The following DCAF5 variants were observed in gnomAD, a reference collection of about 807,000 sequenced individuals.
DCAF5 encodes the protein DDB1 and CUL4 associated factor 5.
DCAF5 carries 9 observed loss-of-function variants against 80.7 expected under a neutral mutation model. That is an observed-to-expected ratio of 0.11 (90% CI 0.07 to 0.19). DCAF5 has a LOEUF of 0.19. Ranked by LOEUF, DCAF5 falls within the 10% of genes least tolerant of loss-of-function variation. DCAF5 has a pLI of 1.00. For missense variants in DCAF5, 842 were observed against 1,205.7 expected (o/e 0.70, Z 4.47); for synonymous variants, 433 against 461.9 (o/e 0.94, Z 0.80).
intron 1 of DCAF5, among the ~76,000 whole-genome samples, chr14:69,131,261 C>CT (rs200882187): frequency 6.9e-4 from 105 of 151,158 alleles, no homozygotes; most frequent in African/African-American, 2.1e-3. Context: ...CTTTTCTTTT[C>CT]TTTTTTTTTA....
chr14:69,054,981 CAGAGCTGCT>C lies in DCAF5; in HGVS notation c.1696_1704del (p.Ser566_Ser568del), dbSNP rs771972517. On this transcript the variant is annotated inframe_deletion, in exon 9 of 9. Coordinates refer to ENST00000341516, the MANE Select transcript of DCAF5 (RefSeq NM_003861.3). Reference sequence around the variant, plus strand: ...CGTTCATTCAGCTCCTCCTCATCCTCAGAGCTGCTAGAGCTGCTGGAACTGCTGGATTCA... The same window carrying C: ...CGTTCATTCAGCTCCTCCTCATCCTCAGAGCTGCTGGAACTGCTGGATTCA... 3 of 1,614,252 alleles carry C rather than the reference CAGAGCTGCT, an allele frequency of 1.9e-6. No individual in the cohort carries two copies. Among genetic ancestry groups the C allele is most frequent in the Non-Finnish European group, 2.5e-6 (3 of 1,180,046 alleles).
chr14:69,113,781 A>C (rs2040450659), intron 5 of DCAF5, among the ~76,000 whole-genome samples: 2 of 152,210 alleles, frequency 1.3e-5, no homozygotes, highest in South Asian at 4.1e-4. Context: ...GTGGATGCTA[A>C]GTTAAGAAGA....
intron 1 of DCAF5, among the ~76,000 whole-genome samples, chr14:69,128,376 G>C (rs1225596252): frequency 1.3e-5 from 2 of 151,978 alleles, no homozygotes; most frequent in African/African-American, 4.8e-5. Flanking sequence ...TTTAGAGACA[G>C]GATTTCACCA....
intron 5 of DCAF5, among the ~76,000 whole-genome samples, chr14:69,110,335 T>C (rs1193815291): frequency 6.9e-6 from 1 of 143,940 alleles, no homozygotes; most frequent in Non-Finnish European, 1.5e-5. Context: ...AGTGGTGCAA[T>C]CTCGGCTCAC....
rs2039246977 is a variant in DCAF5 at position 69,084,619 on chromosome 14, TCTA to T, written c.879+7052_879+7054del. On this transcript the variant is annotated intron_variant, in intron 6 of 8. Coordinates refer to ENST00000341516, the MANE Select transcript of DCAF5 (RefSeq NM_003861.3). The stretch of plus-strand genomic sequence containing the variant: ...TTTGTCCTTCTGAAAAGAGATTCCT[TCTA>T]CTCTTTACATTCCTTAAGAAGAACC... The T allele has an allele frequency of 3.1e-5, 28 of 905,132 alleles. No individual in the cohort carries two copies. In the South Asian group the frequency reaches 3.9e-4, roughly 13 times the overall value. 56.1% of individuals were successfully genotyped at this position (905,132 alleles called of 1,614,324 possible). A position where few individuals can be genotyped will look rare whatever the true frequency, so the allele number is the denominator to read the frequency against.
intron 7 of DCAF5, among the ~76,000 whole-genome samples, chr14:69,065,479 AAAG>A (rs2038403731): frequency 6.6e-6 from 1 of 152,184 alleles, no homozygotes; most frequent in South Asian, 2.1e-4. Context: ...GAAATCTGAA[AAAG>A]AAGAGGGAAT....
chr14:69,054,777 T>C lies in DCAF5; in HGVS notation c.1909A>G (p.Thr637Ala), dbSNP rs1453302993. The change falls in exon 9 of 9, where the codon ACT (threonine) becomes GCT (alanine). Residue 637 changes from threonine to alanine, a missense_variant. By Grantham distance (58) the Thr-to-Ala change is moderately conservative (BLOSUM62 0). Coordinates refer to ENST00000341516, the MANE Select transcript of DCAF5 (RefSeq NM_003861.3). ...SSPTSSPERS[T>A]STLEIQPSRA... ...CTTGGTTGAATCTCTAGCGTGGAAG[T>C]GCTCCGCTCAGGGGACGAGGTTGGG... 1 of 1,614,216 alleles carries C rather than the reference T, an allele frequency of 6.2e-7. No individual in the cohort carries two copies. The highest frequency in any genetic ancestry group is 1.3e-5 in the African/African-American group (1 of 75,052).
Position 69,152,960 on chromosome 14 carries a change from G to T in DCAF5, c.19C>A (p.Leu7Met), listed in dbSNP as rs1448292926. Reference protein sequence around the residue: MKRRAGLGGSMRSVVGF... With the variant: MKRRAGMGGSMRSVVGF... The stretch of plus-strand genomic sequence containing the variant: ...ACCACTGACCTCATGCTGCCCCCCA[G>T]GCCAGCTCTCCTCTTCATGCTGGAA... The change falls in exon 1 of 9, where the codon CTG becomes ATG. Residue 7 changes from leucine (L) to methionine (M), a missense_variant. By Grantham distance (15) the Leu-to-Met change is conservative. This residue lies in a region of DCAF5 where 28 missense variants were observed against 28.7 expected (regional missense o/e 0.98). Transcript: ENST00000341516. This position sits in a 1 kb window ranked among gnomAD's most constrained non-coding sequence, Gnocchi z 4.1. 1 of 1,608,318 alleles carries T rather than the reference G, an allele frequency of 6.2e-7. No homozygotes were observed. Among genetic ancestry groups the T allele is most frequent in the African/African-American group, 1.3e-5 (1 of 74,456 alleles).
intron 2 of DCAF5, 148 bp downstream of exon 2, chr14:69,122,069 G>T: frequency 1.1e-6 from 1 of 905,672 alleles, no homozygotes; most frequent in Non-Finnish European, 1.7e-6. Flanking sequence ...ATATAATACT[G>T]CTGTAATGCA....
chr14:69,151,776 G>A (rs1308403380), intron 1 of DCAF5, among the ~76,000 whole-genome samples: 2 of 152,088 alleles, frequency 1.3e-5, no homozygotes, highest in African/African-American at 2.4e-5. Context: ...CGCGGGGCCC[G>A]GGCCTCCCCG....
intron 6 of DCAF5, among the ~76,000 whole-genome samples, chr14:69,088,522 A>T (rs2039424088): frequency 6.6e-6 from 1 of 152,246 alleles, no homozygotes; most frequent in African/African-American, 2.4e-5. Context: ...AACCTAGGAT[A>T]GTTTAAAAAG....
intron 1 of DCAF5, among the ~76,000 whole-genome samples, chr14:69,143,211 AT>A (rs1396706206): frequency 6.6e-6 from 1 of 152,220 alleles, no homozygotes; most frequent in Non-Finnish European, 1.5e-5. Context: ...AGATAGCAAA[AT>A]ATGAGTGATA....
In DCAF5 at chr14:69,054,353, T is replaced by C; in HGVS notation, c.2333A>G (p.Lys778Arg). 6.2e-7 allele frequency: 1 copy of C among 1,614,222 alleles called. No homozygotes were observed. Among genetic ancestry groups the C allele is most frequent in the Non-Finnish European group, 8.5e-7 (1 of 1,180,034 alleles). ...GCTCAGGGCCTTTCCATTGAGCTTCTTGGTTTCAAAAGGGTGCTCTACAGA... is the reference window on the plus strand; with the variant it reads ...GCTCAGGGCCTTTCCATTGAGCTTCCTGGTTTCAAAAGGGTGCTCTACAGA... ...SGSVEHPFET[K>R]KLNGKALSSR... The change falls in exon 9 of 9, where the codon AAG (lysine) becomes AGG (arginine). Residue 778 changes from lysine (K) to arginine (R), a missense_variant. Physicochemically the swap from Lys to Arg is conservative, Grantham distance 26. Coordinates refer to ENST00000341516, the MANE Select transcript of DCAF5 (RefSeq NM_003861.3).
chr14:69,070,464 T>G lies in DCAF5; in HGVS notation c.946+4881A>C, dbSNP rs531955476. 2.0e-5 allele frequency among the ~76,000 whole-genome samples: 3 copies of G among 152,178 alleles called. No homozygotes were observed. The South Asian group carries it at 6.2e-4, about 31-fold the overall frequency. Reference sequence around the variant, plus strand: ...ATCAACACACAATATAAGGCAGAGGTAGGAGACATTTTATGTAAGAAACTG... The same window carrying G: ...ATCAACACACAATATAAGGCAGAGGGAGGAGACATTTTATGTAAGAAACTG... On this transcript the variant is annotated intron_variant, in intron 7 of 8. Transcript: ENST00000341516.
At chr14:69,102,049 G>A (rs1446265675) in intron 5 of DCAF5, among the ~76,000 whole-genome samples, 3 of 151,430 alleles carry the variant, frequency 2.0e-5, no homozygotes, top group Non-Finnish European at 2.9e-5. Flanking sequence ...CACAGGCTAC[G>A]CTACATTTAT....
intron 6 of DCAF5, among the ~76,000 whole-genome samples, chr14:69,078,966 A>C (rs2038999957): frequency 6.6e-6 from 1 of 151,948 alleles, no homozygotes; most frequent in African/African-American, 2.4e-5. Flanking sequence ...GGATTCAAGC[A>C]ATTTTCATGC....
chr14:69,060,547 T>C (rs1205146702), intron 8 of DCAF5, among the ~76,000 whole-genome samples: 3 of 152,114 alleles, frequency 2.0e-5, no homozygotes, highest in Non-Finnish European at 2.9e-5. Flanking sequence ...CTTTTTTTTT[T>C]TGGAGACAGA....
rs184263288 is a variant in DCAF5 at position 69,080,797 on chromosome 14, G to A, written c.880-5386C>T. Reference sequence around the variant, plus strand: ...TATGATGTATGACTTCACAACCAACGTTCATATTTAATACACTACTGTGAA... The same window carrying A: ...TATGATGTATGACTTCACAACCAACATTCATATTTAATACACTACTGTGAA... On this transcript the variant is annotated intron_variant, in intron 6 of 8. Coordinates refer to ENST00000341516, the MANE Select transcript of DCAF5 (RefSeq NM_003861.3). 4.6e-5 allele frequency among the ~76,000 whole-genome samples: 7 copies of A among 152,008 alleles called. No homozygotes were observed. In the East Asian group the frequency reaches 9.7e-4, roughly 21 times the overall value.
chr14:69,082,834 C>T (rs981404622), intron 6 of DCAF5, among the ~76,000 whole-genome samples: 7 of 152,312 alleles, frequency 4.6e-5, no homozygotes, highest in African/African-American at 1.4e-4. Context: ...AGCTCTTCTA[C>T]TAAAAGTAAA....
Sources: gnomAD v4.1 joint callset for allele counts (sites outside exome capture counted in the v4.1 genomes callset) on GRCh38, gnomAD v4.1.1 for gene constraint, gnomAD v4.1.1 regional missense constraint, Gnocchi (gnomAD v3.1) non-coding constraint, MANE v1.5 for transcripts, NCBI Gene and HGNC (gene_info 2026-07-23, HGNC 2026-07-21) for gene names.